The following SNTB1 variants were observed in gnomAD, a reference collection of about 807,000 sequenced individuals.
The protein encoded by SNTB1 is beta-1-syntrophin.
Under a neutral mutation model 48.9 loss-of-function variants are expected in SNTB1, and 36 were observed. The ratio of observed to expected loss-of-function variants is 0.74; its 90% CI spans 0.56 to 0.97. SNTB1 has a LOEUF of 0.97. SNTB1 is among the 50% of genes least tolerant of loss of function. The pLI is 0.00. For synonymous variants in SNTB1, 299 were observed against 294.6 expected (o/e 1.01, Z -0.15); for missense variants, 786 against 703.4 (o/e 1.12, Z -1.33).
At chr8:120,656,659 A>T (rs992991336) in intron 2 of SNTB1, among the ~76,000 whole-genome samples, 1 of 152,268 alleles carries the variant, frequency 6.6e-6, no homozygotes, top group Admixed American at 6.5e-5. Context: ...TCTATCCTAC[A>T]GCCCAATCTA....
intron 3 of SNTB1, among the ~76,000 whole-genome samples, chr8:120,584,769 T>C (rs1484487855): frequency 1.3e-5 from 2 of 152,060 alleles, no homozygotes; most frequent in African/African-American, 4.8e-5. Flanking sequence ...GATGAGGTCA[T>C]ATTGGAATAG....
At chr8:120,770,087 C>A (rs569437360) in intron 1 of SNTB1, among the ~76,000 whole-genome samples, 250 of 152,246 alleles carry the variant, frequency 1.6e-3, no homozygotes, top group Non-Finnish European at 3.3e-3. Context: ...TTGTATGCAT[C>A]CTAGCTGTCT....
intron 1 of SNTB1, among the ~76,000 whole-genome samples, chr8:120,733,411 G>A (rs1818886198): frequency 6.6e-6 from 1 of 152,258 alleles, no homozygotes; most frequent in Non-Finnish European, 1.5e-5. Context: ...TCAGCACACT[G>A]CTCTGTGGAA....
intron 1 of SNTB1, among the ~76,000 whole-genome samples, chr8:120,706,058 C>T (rs1031017854): frequency 6.6e-6 from 1 of 151,154 alleles, no homozygotes; most frequent in Non-Finnish European, 1.5e-5. Context: ...AGGATTGTTA[C>T]AAGGATTAAA....
At chr8:120,602,844 A>G (rs779183903) in intron 3 of SNTB1, among the ~76,000 whole-genome samples, 2 of 151,472 alleles carry the variant, frequency 1.3e-5, no homozygotes, top group African/African-American at 2.4e-5. Context: ...TTAAATGTCA[A>G]TTCTGTGTAT....
intron 6 of SNTB1, 101 bp from the exon 7 acceptor site, chr8:120,539,070 T>G (rs1815244512): frequency 1.2e-6 from 1 of 818,316 alleles, no homozygotes. Context: ...TTCCTTCTTT[T>G]AAATGTTGAC....
chr8:120,616,929 C>T (rs1448287105), intron 3 of SNTB1, among the ~76,000 whole-genome samples: 4 of 152,166 alleles, frequency 2.6e-5, no homozygotes, highest in African/African-American at 4.8e-5. Context: ...TCCTGCAGAG[C>T]GAGGCCAGCA....
At chr8:120,765,220 G>C (rs952687502) in intron 1 of SNTB1, among the ~76,000 whole-genome samples, 2 of 152,130 alleles carry the variant, frequency 1.3e-5, no homozygotes, top group African/African-American at 4.8e-5. Context: ...TCAAGACTCT[G>C]TCTCAAAAAC....
intron 1 of SNTB1, among the ~76,000 whole-genome samples, chr8:120,799,517 G>A (rs760806548): frequency 1.6e-4 from 25 of 151,752 alleles, no homozygotes; most frequent in Non-Finnish European, 2.5e-4. Flanking sequence ...GGAACTTAGA[G>A]ATATGATAGA....
chr8:120,783,981 C>T (rs562406724), intron 1 of SNTB1, among the ~76,000 whole-genome samples: 2 of 151,892 alleles, frequency 1.3e-5, no homozygotes. Flanking sequence ...GCAAATACTC[C>T]AGTTTTGTTT....
chr8:120,798,977 G>A (rs998860954), intron 1 of SNTB1, among the ~76,000 whole-genome samples: 3 of 152,002 alleles, frequency 2.0e-5, no homozygotes, highest in African/African-American at 7.2e-5. Flanking sequence ...GCATCTTTTT[G>A]TTGGGAGTAC....
At chr8:120,614,364 T>C (rs1322785346) in intron 3 of SNTB1, among the ~76,000 whole-genome samples, 2 of 152,172 alleles carry the variant, frequency 1.3e-5, no homozygotes, top group East Asian at 3.8e-4. Flanking sequence ...AGAAACACAG[T>C]GGTAGGCACT....
chr8:120,683,494 A>G (rs1348041197), intron 2 of SNTB1, among the ~76,000 whole-genome samples: 1 of 152,176 alleles, frequency 6.6e-6, no homozygotes, highest in Non-Finnish European at 1.5e-5. Context: ...GGCATTACAA[A>G]TCAGAATGGT....
intron 1 of SNTB1, among the ~76,000 whole-genome samples, chr8:120,744,025 G>A (rs1390777602): frequency 2.0e-5 from 3 of 152,086 alleles, no homozygotes; most frequent in Non-Finnish European, 2.9e-5. Flanking sequence ...AGTTACTTGG[G>A]AGGCTGAGGC....
rs143249644 is a variant in SNTB1, at chr8:120,575,191, G to A, written c.1031C>T (p.Ala344Val). The A allele has an allele frequency of 6.2e-7, 1 of 1,614,086 alleles. No individual in the cohort carries two copies. Residue 344 changes from alanine (A) to valine (V), a missense_variant, in exon 4 of 7, where the codon GCC (alanine) becomes GTC (valine). By Grantham distance (64) the Ala-to-Val change is moderately conservative. Coordinates refer to ENST00000517992, the MANE Select transcript of SNTB1 (RefSeq NM_021021.4). ...GTCTTTCTCAGTCAGCACAACCAGG[G>A]CTGGTTTCCACTGTTTCTTGCTCTC... ...PGESKKQWKP[A>V]LVVLTEKDLL...
chr8:120,748,635 C>T lies in SNTB1; in HGVS notation c.572-54727G>A, dbSNP rs184892840. ...AGCCCTTCAATTTACTATGAACCTT[C>T]AAGGCAGATAATTCCAAAGGAAAAT... is the stretch of plus-strand genomic sequence containing the variant. On this transcript the variant is annotated intron_variant, in intron 1 of 6. Transcript: ENST00000517992. Among the ~76,000 whole-genome samples the T allele has an allele frequency of 2.0e-5, 3 of 152,266 alleles. No individual in the cohort carries two copies. The East Asian group carries it at 5.8e-4, about 29-fold the overall frequency.
chr8:120,623,241 C>T (rs971946822), intron 3 of SNTB1, among the ~76,000 whole-genome samples: 7 of 152,192 alleles, frequency 4.6e-5, no homozygotes, highest in African/African-American at 9.7e-5. Flanking sequence ...TGTAAGGCCT[C>T]ATGATCATTG....
Position 120,632,583 on chromosome 8 carries a change from G to A in SNTB1, c.857C>T (p.Ala286Val). The A allele has an allele frequency of 6.2e-7, 1 of 1,614,102 alleles. No homozygotes were observed. Among genetic ancestry groups the A allele is most frequent in the South Asian group, 1.1e-5 (1 of 91,072 alleles). ...ATGGATGGCACTGAACCATGCCTGG[G>A]CCGTGGCTGAGTCCTTGCTCCTTAG... ...VILRSKDSAT[A>V]QAWFSAIHSN... Residue 286 changes from alanine to valine, a missense_variant, in exon 3 of 7, where the codon GCC (alanine) becomes GTC (valine). Ala to Val is a moderately conservative substitution (Grantham distance 64). Coordinates refer to ENST00000517992, the MANE Select transcript of SNTB1 (RefSeq NM_021021.4).
intron 6 of SNTB1, among the ~76,000 whole-genome samples, chr8:120,539,366 G>C (rs970690600): frequency 2.0e-5 from 3 of 152,104 alleles, no homozygotes; most frequent in Non-Finnish European, 4.4e-5. Flanking sequence ...CTTTTTAGAC[G>C]TACCATCTTG....
Sources: allele counts gnomAD v4.1 joint callset (sites outside exome capture counted in the v4.1 genomes callset), GRCh38; gene constraint gnomAD v4.1.1; transcripts MANE v1.5; gene names NCBI Gene and HGNC (gene_info 2026-07-23, HGNC 2026-07-21).